Variants in SPAG16 observed in about 807,000 individuals in gnomAD.
SPAG16 encodes the protein sperm associated antigen 16, also known as sperm-associated antigen 16 protein.
A neutral mutation model predicts 80.4 loss-of-function variants in SPAG16; 86 were observed. The ratio of observed to expected loss-of-function variants is 1.07; its 90% CI spans 0.90 to 1.28. SPAG16 has a LOEUF of 1.28. Among genes scored for constraint, SPAG16 ranks in the 50% most tolerant of loss-of-function variants. The pLI, the probability that SPAG16 is intolerant of heterozygous loss-of-function variation, is 0.00. For synonymous variants in SPAG16, 294 were observed against 265.9 expected (o/e 1.11, Z -1.03); for missense variants, 870 against 765.3 (o/e 1.14, Z -1.61).
chr2:213,655,402 T>C (rs2063182945), intron 10 of SPAG16, among the ~76,000 whole-genome samples: 1 of 152,204 alleles, frequency 6.6e-6, no homozygotes, highest in Admixed American at 6.5e-5. Flanking sequence ...ATTATACATA[T>C]CTGAAAACAA....
chr2:213,509,375 C>T lies in SPAG16; in HGVS notation c.1070+19285C>T, dbSNP rs551151999. ...AATGTCTCTGAGAGATTCACTATGT[C>T]TTATTAAACCTTTGCCTGAAATCTT... On this transcript the variant is annotated intron_variant, in intron 10 of 15. Coordinates refer to ENST00000331683, the MANE Select transcript of SPAG16 (RefSeq NM_024532.5). Among the ~76,000 whole-genome samples, 79 of 152,246 alleles carry T rather than the reference C, an allele frequency of 5.2e-4. 1 individual carries two copies. In the South Asian group the frequency reaches 0.015, roughly 29 times the overall value.
intron 15 of SPAG16, among the ~76,000 whole-genome samples, chr2:214,189,976 G>T (rs993014170): frequency 6.6e-6 from 1 of 151,954 alleles, no homozygotes; most frequent in Non-Finnish European, 1.5e-5. Flanking sequence ...AATTTTAATT[G>T]ACTGAACCAG....
In SPAG16 at chr2:214,319,223, C is replaced by CACACACACACACACAA. The variant is rs1352747000; in HGVS notation, c.1721-90916_1721-90915insCACACACACACACAAA. On this transcript the variant is annotated intron_variant, in intron 15 of 15. Transcript: ENST00000331683. ...CACCACACACACACACACACACACA[C>CACACACACACACACAA]AAGAAGTGTAGAAAAGATCTGAAAG... 2.6e-5 allele frequency among the ~76,000 whole-genome samples: 4 copies of CACACACACACACACAA among 151,214 alleles called. No individual in the cohort carries two copies. The South Asian group carries it at 8.4e-4, about 32-fold the overall frequency.
intron 10 of SPAG16, among the ~76,000 whole-genome samples, chr2:213,676,988 A>T (rs2064115164): frequency 6.6e-6 from 1 of 151,836 alleles, no homozygotes; most frequent in Admixed American, 6.6e-5. Context: ...CTCTGGTAGA[A>T]TTCGGCTGTG....
intron 15 of SPAG16, among the ~76,000 whole-genome samples, chr2:214,408,104 T>C (rs1015102191): frequency 5.9e-5 from 9 of 152,208 alleles, no homozygotes; most frequent in Non-Finnish European, 1.2e-4. Flanking sequence ...AATATCATTT[T>C]CTGTATTTTA....
At chr2:214,211,210 T>C (rs1356926215) in intron 15 of SPAG16, among the ~76,000 whole-genome samples, 2 of 152,218 alleles carry the variant, frequency 1.3e-5, no homozygotes, top group South Asian at 2.1e-4. Context: ...CTAGTTCATG[T>C]TGGCTGCATA....
intron 13 of SPAG16, 70 bp downstream of exon 13, chr2:214,014,147 T>G: frequency 1.9e-6 from 3 of 1,578,300 alleles, no homozygotes; most frequent in Non-Finnish European, 2.6e-6. Flanking sequence ...TCTTTGGGTA[T>G]GGAATATGAC....
rs747636240 is a variant in SPAG16 at position 213,375,067 on chromosome 2, G to C, written c.890G>C (p.Arg297Pro). The change falls in exon 9 of 16, where the codon CGT becomes CCT. Residue 297 changes from arginine to proline, a missense_variant. Transcript: ENST00000331683. ...APEGPTQKGLREAREQNKCKT... is the reference protein window; with the variant it reads ...APEGPTQKGLPEAREQNKCKT... ...GAAGGTCCTACTCAGAAAGGTCTTC[G>C]TGAAGCCAGGGAACAAAACAAATGT... The C allele has an allele frequency of 4.3e-6, 7 of 1,610,304 alleles. No individual in the cohort carries two copies. The South Asian group carries it at 7.7e-5, about 18-fold the overall frequency.
intron 15 of SPAG16, among the ~76,000 whole-genome samples, chr2:214,402,736 T>C (rs1315577734): frequency 6.6e-6 from 1 of 152,062 alleles, no homozygotes; most frequent in African/African-American, 2.4e-5. Context: ...CATTGGATGG[T>C]CTCCAGAAGC....
chr2:214,363,335 C>T (rs560992187), intron 15 of SPAG16, among the ~76,000 whole-genome samples: 2 of 152,008 alleles, frequency 1.3e-5, no homozygotes, highest in African/African-American at 4.8e-5. Flanking sequence ...TACATTTCTG[C>T]CCTTCACTAT....
chr2:213,856,678 C>T (rs553286351), intron 10 of SPAG16, among the ~76,000 whole-genome samples: 1 of 152,326 alleles, frequency 6.6e-6, no homozygotes, highest in Non-Finnish European at 1.5e-5. Flanking sequence ...TTGGGCCTTG[C>T]ACCCTCTGAA....
chr2:214,090,237 AG>A, intron 13 of SPAG16, among the ~76,000 whole-genome samples: 1 of 152,112 alleles, frequency 6.6e-6, no homozygotes, highest in Admixed American at 6.6e-5. Flanking sequence ...GAAGAAAAAA[AG>A]AAGAATGATA....
At chr2:213,638,492 A>T (rs1343808076) in intron 10 of SPAG16, among the ~76,000 whole-genome samples, 3 of 152,072 alleles carry the variant, frequency 2.0e-5, no homozygotes, top group Non-Finnish European at 4.4e-5. Flanking sequence ...TCTTGATTTC[A>T]TTGTTGACCC....
chr2:213,566,920 C>T (rs1190227944), intron 10 of SPAG16, among the ~76,000 whole-genome samples: 1 of 152,164 alleles, frequency 6.6e-6, no homozygotes, highest in Non-Finnish European at 1.5e-5. Context: ...TTTCTGAACA[C>T]ATCTTTTGAC....
intron 15 of SPAG16, among the ~76,000 whole-genome samples, chr2:214,211,612 G>A (rs1361732127): frequency 6.6e-6 from 1 of 152,134 alleles, no homozygotes; most frequent in Non-Finnish European, 1.5e-5. Context: ...CTGCCTTCTT[G>A]TGGTAGCAAA....
intron 4 of SPAG16, among the ~76,000 whole-genome samples, chr2:213,316,983 C>G (rs1384546885): frequency 6.6e-6 from 1 of 152,008 alleles, no homozygotes; most frequent in Non-Finnish European, 1.5e-5. Flanking sequence ...AGACCAGTGC[C>G]TGGAACATAG....
chr2:214,103,240 G>T (rs775444775), intron 13 of SPAG16, among the ~76,000 whole-genome samples: 1 of 152,096 alleles, frequency 6.6e-6, no homozygotes, highest in African/African-American at 2.4e-5. Flanking sequence ...TCTCTCTCTG[G>T]CTAATAGATT....
chr2:213,844,375 TAGAA>T (rs909120216), intron 10 of SPAG16, among the ~76,000 whole-genome samples: 38 of 152,236 alleles, frequency 2.5e-4, no homozygotes, highest in African/African-American at 8.2e-4. Flanking sequence ...CTATAATTGA[TAGAA>T]AGGAAGAAAA....
chr2:213,343,848 GA>G, intron 6 of SPAG16, among the ~76,000 whole-genome samples: 1 of 152,092 alleles, frequency 6.6e-6, no homozygotes, highest in East Asian at 1.9e-4. Context: ...AAAAAAGACT[GA>G]AAAAACATAA....
Sources: gnomAD v4.1 joint callset for allele counts (sites outside exome capture counted in the v4.1 genomes callset) on GRCh38, gnomAD v4.1.1 for gene constraint, MANE v1.5 for transcripts, NCBI Gene and HGNC (gene_info 2026-07-23, HGNC 2026-07-21) for gene names.